Variants in BABAM2 observed in about 807,000 individuals in gnomAD.
BABAM2 encodes BRISC and BRCA1-A complex member 2.
BABAM2 carries 31 observed loss-of-function variants against 54.7 expected under a neutral mutation model. The observed-to-expected ratio is 0.57, with a 90% CI of 0.43 to 0.77. The LOEUF is 0.77. Ranked by LOEUF, BABAM2 falls within the 30% of genes least tolerant of loss-of-function variation. The pLI is 0.00. For missense variants in BABAM2, 364 were observed against 455.8 expected, an observed-to-expected ratio of 0.80 and a Z score of 1.83; for synonymous variants, 167 against 162.9, an observed-to-expected ratio of 1.03 and a Z score of -0.19.
intron 4 of BABAM2, among the ~76,000 whole-genome samples, chr2:28,023,563 C>T (rs1675428537): frequency 6.6e-6 from 1 of 152,120 alleles, no homozygotes; most frequent in African/African-American, 2.4e-5. Flanking sequence ...CTTTACTTAT[C>T]AAATCACTTT....
chr2:28,039,555 TGTCTAAGTG>T (rs1338199149), intron 5 of BABAM2, among the ~76,000 whole-genome samples: 3 of 152,234 alleles, frequency 2.0e-5, no homozygotes, highest in African/African-American at 7.2e-5. Context: ...AGCTTTTAGC[TGTCTAAGTG>T]GTAAGAGCAG....
chr2:28,121,199 A>G (rs1171981418), intron 6 of BABAM2, among the ~76,000 whole-genome samples: 1 of 152,158 alleles, frequency 6.6e-6, no homozygotes, highest in Non-Finnish European at 1.5e-5. Flanking sequence ...GTTTAGCCAC[A>G]GGGGACCCGT....
chr2:28,103,385 T>C (rs1318168727), intron 6 of BABAM2, among the ~76,000 whole-genome samples: 3 of 152,156 alleles, frequency 2.0e-5, no homozygotes, highest in African/African-American at 4.8e-5. Flanking sequence ...TGATCACATA[T>C]CACTAGAGCC....
chr2:28,241,101 ATG>A (rs1257350924), intron 8 of BABAM2, among the ~76,000 whole-genome samples: 2 of 152,078 alleles, frequency 1.3e-5, no homozygotes, highest in Non-Finnish European at 2.9e-5. Flanking sequence ...AACTGTCATG[ATG>A]TCTCTCATTT....
intron 7 of BABAM2, among the ~76,000 whole-genome samples, chr2:28,214,625 A>T (rs1195147952): frequency 6.6e-6 from 1 of 152,134 alleles, no homozygotes; most frequent in Non-Finnish European, 1.5e-5. Flanking sequence ...ACCATTTTGA[A>T]TAAGAGTGGT....
At chr2:28,157,681 G>A (rs1217260292) in intron 7 of BABAM2, among the ~76,000 whole-genome samples, 1 of 152,102 alleles carries the variant, frequency 6.6e-6, no homozygotes, top group African/African-American at 2.4e-5. Flanking sequence ...GCGCGATCTC[G>A]GCTCACTGCA....
At chr2:27,939,925 T>G in intron 3 of BABAM2, among the ~76,000 whole-genome samples, 1 of 152,338 alleles carries the variant, frequency 6.6e-6, no homozygotes, top group Admixed American at 6.5e-5. Context: ...ATCAGAAGAT[T>G]ATAGTACATT....
At chr2:28,114,569 A>G (rs1668439152) in intron 6 of BABAM2, among the ~76,000 whole-genome samples, 1 of 152,144 alleles carries the variant, frequency 6.6e-6, no homozygotes, top group Non-Finnish European at 1.5e-5. Context: ...GATTCTTACA[A>G]TCCTTCTGTT....
At chr2:28,064,259 C>T (rs917707018) in intron 6 of BABAM2, among the ~76,000 whole-genome samples, 2 of 152,288 alleles carry the variant, frequency 1.3e-5, no homozygotes, top group South Asian at 2.1e-4. Flanking sequence ...TTTGCTACTA[C>T]GTATCTTGTG....
At chr2:28,083,819 A>G (rs889974228) in intron 6 of BABAM2, among the ~76,000 whole-genome samples, 1 of 152,046 alleles carries the variant, frequency 6.6e-6, no homozygotes, top group African/African-American at 2.4e-5. Context: ...TTGTGTATCT[A>G]TATATTTGGT....
chr2:28,214,292 C>G (rs1047824449), intron 7 of BABAM2, among the ~76,000 whole-genome samples: 5 of 152,072 alleles, frequency 3.3e-5, no homozygotes, highest in Non-Finnish European at 5.9e-5. Context: ...TCTTGTGCTG[C>G]CTCTTTGTAT....
At chr2:28,064,979 G>C (rs1031510115) in intron 6 of BABAM2, among the ~76,000 whole-genome samples, 3 of 151,550 alleles carry the variant, frequency 2.0e-5, no homozygotes, top group Admixed American at 2.0e-4. Flanking sequence ...CTCCAGCCTG[G>C]GCGACAGAGT....
chr2:28,250,952 A>G (rs1246166912), intron 10 of BABAM2, among the ~76,000 whole-genome samples: 1 of 152,186 alleles, frequency 6.6e-6, no homozygotes, highest in African/African-American at 2.4e-5. Flanking sequence ...TTTGCCCTGC[A>G]CATTATTTCC....
intron 4 of BABAM2, among the ~76,000 whole-genome samples, chr2:28,002,803 C>A (rs755590112): frequency 6.6e-6 from 1 of 152,110 alleles, no homozygotes. Context: ...CTATACCTAG[C>A]AAAAAGATGA....
At chr2:28,284,002 TTTGA>T (rs1191545647) in intron 10 of BABAM2, among the ~76,000 whole-genome samples, 2 of 152,218 alleles carry the variant, frequency 1.3e-5, no homozygotes, top group East Asian at 3.8e-4. Flanking sequence ...ATTCAATACC[TTTGA>T]TTGAAAAGTA....
intron 7 of BABAM2, among the ~76,000 whole-genome samples, chr2:28,211,985 C>T (rs1360913108): frequency 6.6e-6 from 1 of 151,386 alleles, no homozygotes; most frequent in African/African-American, 2.4e-5. Flanking sequence ...ATTTTTTTTT[C>T]CCATAAGTCT....
chr2:28,157,504 A>G (rs1372740984), intron 7 of BABAM2, among the ~76,000 whole-genome samples: 1 of 152,226 alleles, frequency 6.6e-6, no homozygotes, highest in African/African-American at 2.4e-5. Context: ...AAAAATAGAC[A>G]GCTACAACAA....
intron 6 of BABAM2, among the ~76,000 whole-genome samples, chr2:28,101,954 A>G (rs1667117451): frequency 6.6e-6 from 1 of 152,164 alleles, no homozygotes; most frequent in African/African-American, 2.4e-5. Flanking sequence ...TAGAACTTGA[A>G]CCACTGCAGT....
chr2:28,173,744 G>T (rs1288597256), intron 7 of BABAM2, among the ~76,000 whole-genome samples: 2 of 152,166 alleles, frequency 1.3e-5, no homozygotes, highest in Non-Finnish European at 2.9e-5. Flanking sequence ...TGTCCTTTCT[G>T]TTTGATTTAT....
Sources: allele counts gnomAD v4.1 joint callset (sites outside exome capture counted in the v4.1 genomes callset), GRCh38; gene constraint gnomAD v4.1.1; transcripts MANE v1.5; gene names NCBI Gene and HGNC (gene_info 2026-07-23, HGNC 2026-07-21).